RPS6KC1: variants seen among roughly 807,000 people sequenced by gnomAD.
RPS6KC1 encodes ribosomal protein S6 kinase C1, also known as inactive ribosomal protein S6 kinase delta-1.
RPS6KC1 carries 54 observed loss-of-function variants against 103.8 expected under a neutral mutation model. That is an observed-to-expected ratio of 0.52 (90% CI 0.42 to 0.65). The LOEUF (loss-of-function observed/expected upper bound fraction) is 0.65. Ranked by LOEUF, RPS6KC1 falls within the 30% of genes least tolerant of loss-of-function variation. RPS6KC1 has a pLI of 0.00. For missense variants in RPS6KC1, 1,151 were observed against 1,253.8 expected, an observed-to-expected ratio of 0.92 and a Z score of 1.24; for synonymous variants, 439 against 438.7, an observed-to-expected ratio of 1.00 and a Z score of -0.01.
chr1:213,169,724 T>C (rs371951286), intron 7 of RPS6KC1, among the ~76,000 whole-genome samples: 1 of 151,974 alleles, frequency 6.6e-6, no homozygotes, highest in Non-Finnish European at 1.5e-5. Context: ...CTTGCTTTAC[T>C]AAATCCATCT....
chr1:213,295,444 G>A, the RPS6KC1 span, among the ~76,000 whole-genome samples: 1 of 152,110 alleles, frequency 6.6e-6, no homozygotes, highest in African/African-American at 2.4e-5. Flanking sequence ...AGGATCTCAG[G>A]GAGAGCTGCC....
the RPS6KC1 span, among the ~76,000 whole-genome samples, chr1:213,488,720 T>C: frequency 6.6e-6 from 1 of 152,216 alleles, no homozygotes; most frequent in Non-Finnish European, 1.5e-5. Context: ...TAAAAACTAA[T>C]TCTGGAATTG....
chr1:213,779,602 G>C, the RPS6KC1 span, among the ~76,000 whole-genome samples: 1 of 152,168 alleles, frequency 6.6e-6, no homozygotes, highest in Admixed American at 6.5e-5. Flanking sequence ...CACAACATAA[G>C]ATCCAAAGCT....
the RPS6KC1 span, among the ~76,000 whole-genome samples, chr1:213,555,799 T>C: frequency 2.6e-5 from 4 of 152,254 alleles, no homozygotes; most frequent in Non-Finnish European, 5.9e-5. Flanking sequence ...AGTTTCTTTC[T>C]ACTCTACCAC....
chr1:213,767,860 G>A, the RPS6KC1 span, among the ~76,000 whole-genome samples: 12 of 152,090 alleles, frequency 7.9e-5, no homozygotes, highest in African/African-American at 2.4e-4. Context: ...TAACTACATT[G>A]GGAAACTTCT....
the RPS6KC1 span, among the ~76,000 whole-genome samples, chr1:213,660,350 T>C: frequency 6.6e-6 from 1 of 152,176 alleles, no homozygotes; most frequent in Non-Finnish European, 1.5e-5. Context: ...GTGAGCTCAT[T>C]TTAGACTCTA....
At chr1:213,156,646 C>T (rs530533201) in intron 6 of RPS6KC1, among the ~76,000 whole-genome samples, 5 of 152,004 alleles carry the variant, frequency 3.3e-5, no homozygotes, top group African/African-American at 4.8e-5. Context: ...CATCAGATTT[C>T]GTGTTGAAAA....
chr1:213,339,081 T>C, the RPS6KC1 span, among the ~76,000 whole-genome samples: 2 of 152,044 alleles, frequency 1.3e-5, no homozygotes, highest in Non-Finnish European at 2.9e-5. Flanking sequence ...CTGTCCAGCA[T>C]GGTGAAACTC....
At chr1:213,365,704 A>G in the RPS6KC1 span, among the ~76,000 whole-genome samples, 2 of 152,110 alleles carry the variant, frequency 1.3e-5, no homozygotes, top group African/African-American at 4.8e-5. Context: ...TTTGTTGTCT[A>G]TTATAATAGA....
chr1:213,579,270 C>G, the RPS6KC1 span, among the ~76,000 whole-genome samples: 1 of 152,082 alleles, frequency 6.6e-6, no homozygotes, highest in Non-Finnish European at 1.5e-5. Context: ...ATAAATTACC[C>G]TGTCTTAGGT....
At chr1:213,126,946 T>A (rs2085057708) in intron 5 of RPS6KC1, among the ~76,000 whole-genome samples, 1 of 152,198 alleles carries the variant, frequency 6.6e-6, no homozygotes, top group Admixed American at 6.6e-5. Context: ...TCTAATCCAC[T>A]TTTAATTTTG....
intron 4 of RPS6KC1, among the ~76,000 whole-genome samples, chr1:213,115,128 G>A (rs1250927160): frequency 1.3e-5 from 2 of 152,240 alleles, no homozygotes; most frequent in Non-Finnish European, 2.9e-5. Context: ...AGAAGGAATA[G>A]TACCAGCTCA....
the RPS6KC1 span, among the ~76,000 whole-genome samples, chr1:213,698,343 A>G: frequency 6.6e-6 from 1 of 152,264 alleles, no homozygotes; most frequent in African/African-American, 2.4e-5. Flanking sequence ...ACACTTCTTA[A>G]GTTCTTGCAT....
At chr1:213,576,177 T>C in the RPS6KC1 span, among the ~76,000 whole-genome samples, 1 of 152,074 alleles carries the variant, frequency 6.6e-6, no homozygotes, top group East Asian at 1.9e-4. Flanking sequence ...CAACCATGGA[T>C]GGAAAACAGT....
the RPS6KC1 span, among the ~76,000 whole-genome samples, chr1:213,298,057 G>A: frequency 6.6e-6 from 1 of 152,226 alleles, no homozygotes; most frequent in Non-Finnish European, 1.5e-5. Context: ...CCCCAGACCA[G>A]CAGCTACAGG....
At chr1:213,055,521 T>G (rs1270081061) in intron 1 of RPS6KC1, among the ~76,000 whole-genome samples, 1 of 152,252 alleles carries the variant, frequency 6.6e-6, no homozygotes, top group Non-Finnish European at 1.5e-5. Flanking sequence ...ATACAGCTAT[T>G]ATGAACATTC....
At chr1:213,719,249 T>C in the RPS6KC1 span, among the ~76,000 whole-genome samples, 1 of 152,198 alleles carries the variant, frequency 6.6e-6, no homozygotes. Context: ...TTATTCAATA[T>C]AGTTATTTAT....
chr1:213,362,053 C>T, the RPS6KC1 span, among the ~76,000 whole-genome samples: 1 of 152,158 alleles, frequency 6.6e-6, no homozygotes, highest in Non-Finnish European at 1.5e-5. Context: ...ATATCCTTCA[C>T]CTGCGGCTTG....
the RPS6KC1 span, among the ~76,000 whole-genome samples, chr1:213,722,619 GC>G: frequency 1.3e-5 from 2 of 152,076 alleles, no homozygotes; most frequent in African/African-American, 4.8e-5. Context: ...CTAGATGATG[GC>G]CATCTCCCTT....
Sources: allele counts gnomAD v4.1 joint callset (sites outside exome capture counted in the v4.1 genomes callset), GRCh38; gene constraint gnomAD v4.1.1; transcripts MANE v1.5; gene names NCBI Gene and HGNC (gene_info 2026-07-23, HGNC 2026-07-21).